The following NDUFB3 variants were observed in gnomAD, a reference collection of about 807,000 sequenced individuals.
NDUFB3 encodes NADH dehydrogenase [ubiquinone] 1 beta subcomplex subunit 3.
NDUFB3 carries 7 observed loss-of-function variants against 9.0 expected under a neutral mutation model. That is an observed-to-expected ratio of 0.78 (90% CI 0.44 to 1.46). The LOEUF is 1.46. Among genes scored for constraint, NDUFB3 ranks in the 40% most tolerant of loss-of-function variants. The pLI is 0.01. For missense variants in NDUFB3, 93 were observed against 115.4 expected (o/e 0.81, Z 0.89); for synonymous variants, 29 against 38.5 (o/e 0.75, Z 0.91).
chr2:201,083,442 C>T (rs2047254762), intron 2 of NDUFB3, among the ~76,000 whole-genome samples: 1 of 150,582 alleles, frequency 6.6e-6, no homozygotes, highest in South Asian at 2.1e-4. Flanking sequence ...GCAACCTCTG[C>T]CTACCAGGTT....
At chr2:201,076,484 A>AATAT (rs561737388) in intron 1 of NDUFB3, among the ~76,000 whole-genome samples, 2,372 of 120,042 alleles carry the variant, frequency 0.02, 47 homozygotes, top group East Asian at 0.056. Flanking sequence ...TCTATCTTTA[A>AATAT]ATATATATAT....
At chr2:201,083,143 T>G (rs965009824) in intron 2 of NDUFB3, among the ~76,000 whole-genome samples, 1 of 152,202 alleles carries the variant, frequency 6.6e-6, no homozygotes, top group Non-Finnish European at 1.5e-5. Context: ...TTATTTCTTT[T>G]TCTTGCATTT....
At chr2:201,076,515 T>TATA (rs1165786222) in intron 1 of NDUFB3, among the ~76,000 whole-genome samples, 1 of 115,870 alleles carries the variant, frequency 8.6e-6, no homozygotes, top group African/African-American at 3.2e-5. Context: ...ATATATATAA[T>TATA]TAAATGTGAA....
chr2:201,079,545 C>T (rs1210308316), intron 2 of NDUFB3, among the ~76,000 whole-genome samples: 3 of 151,906 alleles, frequency 2.0e-5, no homozygotes, highest in African/African-American at 7.3e-5. Context: ...CAGGCTTAAG[C>T]AATCCTCCCA....
chr2:201,072,589 C>T (rs1030470200), intron 1 of NDUFB3, among the ~76,000 whole-genome samples: 1 of 152,150 alleles, frequency 6.6e-6, no homozygotes, highest in Non-Finnish European at 1.5e-5. Flanking sequence ...AGATTCACTT[C>T]AGACATAGAT....
At position 201,078,787 on chromosome 2, in the gene NDUFB3, T is replaced by C; in HGVS notation, c.-2-94T>C. ...TTTATATTGGCTTTTTTTTTTAATA[T>C]TAAATGCTTTACCTTAAAACATAAA... On this transcript the variant is annotated intron_variant, in intron 1 of 2. Coordinates refer to ENST00000237889, the MANE Select transcript of NDUFB3 (RefSeq NM_002491.3). 3 of 1,212,904 alleles carry C rather than the reference T, an allele frequency of 2.5e-6. 1 individual carries two copies. Among genetic ancestry groups the C allele is most frequent in the African/African-American group, 3.2e-5 (2 of 63,092 alleles). 75.1% of individuals were successfully genotyped at this position (1,212,904 alleles called of 1,614,324 possible). A position where few individuals can be genotyped will look rare whatever the true frequency, so the allele number is the denominator to read the frequency against.
chr2:201,078,772 C>CT (rs568058126), intron 1 of NDUFB3, 109 bp from the exon 2 acceptor site: 4,770 of 954,006 alleles, frequency 5.0e-3, no homozygotes, highest in South Asian at 5.8e-3. Flanking sequence ...TTTATATTGG[C>CT]TTTTTTTTTT....
chr2:201,077,157 A>T (rs2047173242), intron 1 of NDUFB3, among the ~76,000 whole-genome samples: 1 of 152,128 alleles, frequency 6.6e-6, no homozygotes, highest in Non-Finnish European at 1.5e-5. Context: ...ATAGTTATAA[A>T]TATGGACATA....
At chr2:201,074,420 G>A (rs920612324) in intron 1 of NDUFB3, among the ~76,000 whole-genome samples, 7 of 150,830 alleles carry the variant, frequency 4.6e-5, no homozygotes, top group South Asian at 4.2e-4. Context: ...TACTAGGAGT[G>A]GAATTGATGG....
chr2:201,085,456 T>G lies in NDUFB3; in HGVS notation c.141-3T>G. 1 of 1,578,234 alleles carries G rather than the reference T, an allele frequency of 6.3e-7. No homozygotes were observed. Among genetic ancestry groups the G allele is most frequent in the East Asian group, 2.2e-5 (1 of 44,666 alleles). On this transcript the variant is annotated splice_region_variant and splice_polypyrimidine_tract_variant and intron_variant, in intron 2 of 2. Transcript: ENST00000237889. ...TTATAATTTTTTCTTTTTTTTTTTC[T>G]AGCAATGAAGCTTGGAGATACATGG...
rs972030737 is a variant in NDUFB3 at position 201,079,015 on chromosome 2, T to C, written c.133T>C (p.Trp45Arg). The change falls in exon 2 of 3, where the codon TGG (tryptophan) becomes CGG (arginine). Residue 45 changes from tryptophan to arginine, a missense_variant. Trp to Arg is a moderately radical substitution (Grantham distance 101, BLOSUM62 -3). Coordinates refer to ENST00000237889, the MANE Select transcript of NDUFB3 (RefSeq NM_002491.3). ...GGCTGCAAAAGGGCTAAGGGATCCATGGGGCCGGTAAGATGAATTAAGTAA... is the reference window on the plus strand; with the variant it reads ...GGCTGCAAAAGGGCTAAGGGATCCACGGGGCCGGTAAGATGAATTAAGTAA... ...KLAAKGLRDP[W>R]GRNEAWRYMG... 7.5e-6 allele frequency: 12 copies of C among 1,610,420 alleles called. No individual in the cohort carries two copies. The highest frequency in any genetic ancestry group is 1.0e-5 in the Non-Finnish European group (12 of 1,179,150).
chr2:201,074,154 T>C (rs1249326412), intron 1 of NDUFB3, among the ~76,000 whole-genome samples: 2 of 152,114 alleles, frequency 1.3e-5, no homozygotes, highest in Non-Finnish European at 2.9e-5. Flanking sequence ...GATTTTGCCA[T>C]GTTGGTTAGG....
At position 201,084,473 on chromosome 2, in the gene NDUFB3, A is replaced by G. The variant is rs1220905939; in HGVS notation, c.141-986A>G. 5.3e-5 allele frequency among the ~76,000 whole-genome samples: 8 copies of G among 150,956 alleles called. No homozygotes were observed. In the East Asian group the frequency reaches 1.6e-3, roughly 30 times the overall value. The stretch of plus-strand genomic sequence containing the variant: ...AGACTCTGTCATAAATAAATAAACA[A>G]ACAAACAAACAAAAATTAGCGGGCA... On this transcript the variant is annotated intron_variant, in intron 2 of 2. Coordinates refer to ENST00000237889, the MANE Select transcript of NDUFB3 (RefSeq NM_002491.3).
chr2:201,082,950 T>C (rs1477439558), intron 2 of NDUFB3, among the ~76,000 whole-genome samples: 1 of 151,520 alleles, frequency 6.6e-6, no homozygotes, highest in African/African-American at 2.4e-5. Context: ...CCTGACCTCA[T>C]GATCCACCCG....
chr2:201,083,494 A>C (rs557270243), intron 2 of NDUFB3, among the ~76,000 whole-genome samples: 2 of 151,636 alleles, frequency 1.3e-5, no homozygotes, highest in East Asian at 2.0e-4. Context: ...AGCTGGGATT[A>C]CAGGCATGTG....
intron 2 of NDUFB3, among the ~76,000 whole-genome samples, chr2:201,079,435 G>A (rs764417385): frequency 2.0e-5 from 3 of 150,884 alleles, no homozygotes; most frequent in Non-Finnish European, 4.4e-5. Flanking sequence ...GAGCCACCAC[G>A]CCTGGCTACT....
In NDUFB3 at chr2:201,076,512, T is replaced by TATATATATATATATATATATAA. The variant is rs1250913348; in HGVS notation, c.-2-2368_-2-2367insTATATATATATATATATATAAA. On this transcript the variant is annotated intron_variant, in intron 1 of 2. Transcript: ENST00000237889. ...ATATATATATATATATATATATATA[T>TATATATATATATATATATATAA]AATTAAATGTGAAAATCATCAACAT... is the stretch of plus-strand genomic sequence containing the variant. Among the ~76,000 whole-genome samples, 114 of 134,388 alleles carry TATATATATATATATATATATAA rather than the reference T, an allele frequency of 8.5e-4. 4 individuals carry two copies. The highest frequency in any genetic ancestry group is 3.0e-3 in the African/African-American group (107 of 35,496). The allele number at this position is 134,388 out of a possible 152,430, so 88.2% of individuals were successfully genotyped here. A position where few individuals can be genotyped will look rare whatever the true frequency, so the allele number is the denominator to read the frequency against.
chr2:201,081,325 A>C (rs187634166), intron 2 of NDUFB3, among the ~76,000 whole-genome samples: 1,556 of 151,942 alleles, frequency 0.01, 79 homozygotes, highest in Admixed American at 0.085. Flanking sequence ...TCTACTAAAA[A>C]TACAAAAATT....
rs1236454292 is a variant in NDUFB3 at position 201,081,805 on chromosome 2, C to T, written c.140+2783C>T. 3.0e-4 allele frequency among the ~76,000 whole-genome samples: 44 copies of T among 148,164 alleles called. 1 individual carries two copies. The highest frequency in any genetic ancestry group is 1.1e-3 in the Admixed American group (16 of 14,840). The stretch of plus-strand genomic sequence containing the variant: ...CTGGGATTACAGACGTGCACCACCA[C>T]GCCCAGCTAATTTTTTTTTTTTTTT... On this transcript the variant is annotated intron_variant, in intron 2 of 2. Transcript: ENST00000237889.
Sources: gnomAD v4.1 joint callset for allele counts (sites outside exome capture counted in the v4.1 genomes callset) on GRCh38, gnomAD v4.1.1 for gene constraint, MANE v1.5 for transcripts, NCBI Gene and HGNC (gene_info 2026-07-23, HGNC 2026-07-21) for gene names.